The following THSD7A variants were observed in gnomAD, a reference collection of about 807,000 sequenced individuals.
THSD7A encodes thrombospondin type 1 domain containing 7A.
THSD7A carries 96 observed loss-of-function variants against 231.3 expected under a neutral mutation model. The observed-to-expected ratio is 0.41, with a 90% CI of 0.35 to 0.49. The LOEUF (loss-of-function observed/expected upper bound fraction) is 0.49, where lower values mean the gene tolerates loss of function less well. Ranked by LOEUF, THSD7A falls within the 20% of genes least tolerant of loss-of-function variation. The pLI is 0.05. For missense variants in THSD7A, 2,290 were observed against 2,070.2 expected (o/e 1.11, Z -2.06); for synonymous variants, 940 against 743.3 (o/e 1.26, Z -4.30).
At chr7:11,546,082 C>T (rs1789369638) in intron 4 of THSD7A, among the ~76,000 whole-genome samples, 1 of 152,138 alleles carries the variant, frequency 6.6e-6, no homozygotes, top group South Asian at 2.1e-4. Flanking sequence ...GTAGGTACCA[C>T]CATTAGAGAG....
intron 23 of THSD7A, among the ~76,000 whole-genome samples, chr7:11,383,444 TA>T (rs1782604793): frequency 6.6e-6 from 1 of 152,018 alleles, no homozygotes. Context: ...GGTGCTTCTT[TA>T]AATTACATAT....
intron 1 of THSD7A, among the ~76,000 whole-genome samples, chr7:11,761,735 G>T (rs1011405516): frequency 6.6e-6 from 1 of 151,982 alleles, no homozygotes; most frequent in Non-Finnish European, 1.5e-5. Context: ...TATCAGAATT[G>T]CATTCCTTTC....
intron 1 of THSD7A, among the ~76,000 whole-genome samples, chr7:11,747,882 G>C (rs1782363114): frequency 6.6e-6 from 1 of 151,858 alleles, no homozygotes; most frequent in African/African-American, 2.4e-5. Flanking sequence ...TGTATAAAAA[G>C]GCACAATGAT....
At chr7:11,533,839 T>C (rs766816826) in intron 6 of THSD7A, among the ~76,000 whole-genome samples, 3 of 152,176 alleles carry the variant, frequency 2.0e-5, no homozygotes, top group Non-Finnish European at 2.9e-5. Context: ...GGCACATGTA[T>C]ACTTATGTAA....
chr7:11,409,235 T>C (rs1783694482), intron 19 of THSD7A, among the ~76,000 whole-genome samples: 1 of 152,104 alleles, frequency 6.6e-6, no homozygotes, highest in South Asian at 2.1e-4. Context: ...GCTAGTTAGG[T>C]TTAACTCTAA....
intron 16 of THSD7A, among the ~76,000 whole-genome samples, chr7:11,421,035 GA>G (rs1784126542): frequency 6.6e-6 from 1 of 152,200 alleles, no homozygotes; most frequent in Non-Finnish European, 1.5e-5. Flanking sequence ...AGGCAGAGGG[GA>G]CTTGCCTTGT....
intron 6 of THSD7A, among the ~76,000 whole-genome samples, chr7:11,495,257 T>C (rs1264036757): frequency 6.6e-6 from 1 of 152,128 alleles, no homozygotes; most frequent in African/African-American, 2.4e-5. Context: ...ACATCCTGTA[T>C]GTATGTGCTG....
At chr7:11,550,666 A>G (rs1789591462) in intron 4 of THSD7A, among the ~76,000 whole-genome samples, 1 of 152,074 alleles carries the variant, frequency 6.6e-6, no homozygotes, top group South Asian at 2.1e-4. Context: ...AGTCTATTAA[A>G]CCTCATTTCT....
At chr7:11,376,177 G>A (rs768371298) in intron 27 of THSD7A, among the ~76,000 whole-genome samples, 12 of 151,820 alleles carry the variant, frequency 7.9e-5, no homozygotes, top group Non-Finnish European at 1.3e-4. Context: ...ATTTTCATTT[G>A]GCCAGAAACC....
Position 11,417,396 on chromosome 7 carries a change from C to T in THSD7A, c.3537+54G>A, listed in dbSNP as rs1783996153. ...TCAAAAAATAATGTCTTTAAAGCTT[C>T]AGTGGCAAATAATTAAATAAACTCT... On this transcript the variant is annotated intron_variant, in intron 17 of 27. Transcript: ENST00000423059. 5 of 1,440,252 alleles carry T rather than the reference C, an allele frequency of 3.5e-6. No individual in the cohort carries two copies. In the East Asian group the frequency reaches 1.3e-4, roughly 36 times the overall value. 89.2% of individuals were successfully genotyped at this position (1,440,252 alleles called of 1,614,324 possible).
chr7:11,387,970 T>C (rs1219707103), intron 23 of THSD7A, among the ~76,000 whole-genome samples: 2 of 152,138 alleles, frequency 1.3e-5, no homozygotes, highest in Admixed American at 1.3e-4. Flanking sequence ...ATGTGGTTTT[T>C]GTCATTGATT....
At chr7:11,627,239 A>C (rs1386647205) in intron 2 of THSD7A, among the ~76,000 whole-genome samples, 4 of 152,078 alleles carry the variant, frequency 2.6e-5, no homozygotes, top group Admixed American at 2.6e-4. Context: ...CCCAGAACTT[A>C]AAGTAAAATA....
chr7:11,795,737 C>G (rs1784105587), intron 1 of THSD7A, among the ~76,000 whole-genome samples: 1 of 151,448 alleles, frequency 6.6e-6, no homozygotes, highest in Admixed American at 6.6e-5. Context: ...AGCAAAAAAA[C>G]TGAAAATAAG....
chr7:11,388,980 A>G (rs1399542779), intron 23 of THSD7A, among the ~76,000 whole-genome samples: 1 of 152,136 alleles, frequency 6.6e-6, no homozygotes, highest in Non-Finnish European at 1.5e-5. Flanking sequence ...ACTGTTTATG[A>G]TTTCTGTTCT....
intron 6 of THSD7A, among the ~76,000 whole-genome samples, chr7:11,500,161 A>C (rs1787271921): frequency 6.6e-6 from 1 of 152,228 alleles, no homozygotes; most frequent in Non-Finnish European, 1.5e-5. Context: ...TTGGGGGCCT[A>C]TATTCAACAT....
At chr7:11,404,724 C>G (rs1414779266) in intron 22 of THSD7A, among the ~76,000 whole-genome samples, 2 of 152,118 alleles carry the variant, frequency 1.3e-5, no homozygotes, top group South Asian at 2.1e-4. Context: ...TTTAGAAAGT[C>G]AGATTTTCTT....
intron 2 of THSD7A, among the ~76,000 whole-genome samples, chr7:11,596,873 C>T (rs1167473419): frequency 1.3e-5 from 2 of 152,218 alleles, no homozygotes; most frequent in Non-Finnish European, 2.9e-5. Flanking sequence ...ATGGCAAGTG[C>T]CTTTTCTCCA....
intron 1 of THSD7A, among the ~76,000 whole-genome samples, chr7:11,657,132 C>T (rs1478024523): frequency 6.6e-6 from 1 of 151,706 alleles, no homozygotes; most frequent in Admixed American, 6.6e-5. Context: ...GCCATGTATC[C>T]TATTAATATT....
intron 1 of THSD7A, among the ~76,000 whole-genome samples, chr7:11,662,306 G>A (rs929654676): frequency 1.3e-5 from 2 of 151,220 alleles, no homozygotes; most frequent in Non-Finnish European, 3.0e-5. Flanking sequence ...ATTTAATACA[G>A]ATTGGTAAGT....
Sources: allele counts gnomAD v4.1 joint callset (sites outside exome capture counted in the v4.1 genomes callset), GRCh38; gene constraint gnomAD v4.1.1; transcripts MANE v1.5; gene names NCBI Gene and HGNC (gene_info 2026-07-23, HGNC 2026-07-21).